Variants in TRAPPC11 observed in about 807,000 individuals in gnomAD.
TRAPPC11 encodes trafficking protein particle complex subunit 11, also known as foie gras homolog.
Under a neutral mutation model 151.2 loss-of-function variants are expected in TRAPPC11, and 104 were observed. That is an observed-to-expected ratio of 0.69 (90% CI 0.59 to 0.81). The LOEUF is 0.81. Ranked by LOEUF, TRAPPC11 falls within the 30% of genes least tolerant of loss-of-function variation. The probability of loss-of-function intolerance (pLI) is 0.00; values close to 1 mark genes in which losing one functional copy is unlikely to be tolerated. For missense variants in TRAPPC11, 1,230 were observed against 1,349.6 expected, an observed-to-expected ratio of 0.91 and a Z score of 1.39; for synonymous variants, 456 against 472.3, an observed-to-expected ratio of 0.97 and a Z score of 0.45.
chr4:183,699,934 C>T (rs1286096627), intron 25 of TRAPPC11, among the ~76,000 whole-genome samples: 1 of 151,966 alleles, frequency 6.6e-6, no homozygotes, highest in Non-Finnish European at 1.5e-5. Flanking sequence ...ATGCCATTCT[C>T]CTGCCTCAGC....
At chr4:183,699,486 G>A (rs13111319) in intron 25 of TRAPPC11, among the ~76,000 whole-genome samples, 40,913 of 151,978 alleles carry the variant, frequency 0.27, 5,909 homozygotes, top group South Asian at 0.48. Flanking sequence ...TCTTCATATC[G>A]CTAGCATCAT....
chr4:183,687,127 G>T (rs1383363567), intron 18 of TRAPPC11, among the ~76,000 whole-genome samples: 1 of 152,150 alleles, frequency 6.6e-6, no homozygotes, highest in African/African-American at 2.4e-5. Flanking sequence ...GTTGCAGTGA[G>T]CTGAGATCGT....
At chr4:183,689,269 T>TA (rs1267783263) in intron 18 of TRAPPC11, among the ~76,000 whole-genome samples, 1 of 152,100 alleles carries the variant, frequency 6.6e-6, no homozygotes, top group Non-Finnish European at 1.5e-5. Context: ...CAAGTGCATA[T>TA]AGCGGCTGAA....
intron 19 of TRAPPC11, 73 bp downstream of exon 19, chr4:183,691,544 A>G: frequency 1.1e-6 from 1 of 952,200 alleles, no homozygotes; most frequent in Non-Finnish European, 1.4e-6. Flanking sequence ...TAAATAATAC[A>G]AAAGTTGATT....
At chr4:183,659,795 A>G (rs1734372927) in intron 1 of TRAPPC11, among the ~76,000 whole-genome samples, 1 of 152,152 alleles carries the variant, frequency 6.6e-6, no homozygotes, top group Non-Finnish European at 1.5e-5. Context: ...TTTCGTCCCC[A>G]CACTGTCGTT....
chr4:183,684,627 T>G (rs1254041716), intron 14 of TRAPPC11, 69 bp from the exon 15 acceptor site: 1 of 1,512,440 alleles, frequency 6.6e-7, no homozygotes, highest in Non-Finnish European at 9.0e-7. Flanking sequence ...GAAAGTATTT[T>G]TTTCTCCATG....
At chr4:183,672,955 C>T (rs1011130791) in intron 5 of TRAPPC11, among the ~76,000 whole-genome samples, 4 of 148,080 alleles carry the variant, frequency 2.7e-5, no homozygotes, top group South Asian at 4.2e-4. Context: ...GCTACCCGTT[C>T]GCAAATTTTT....
intron 2 of TRAPPC11, among the ~76,000 whole-genome samples, chr4:183,665,008 A>G (rs1327444399): frequency 1.3e-5 from 2 of 151,704 alleles, no homozygotes; most frequent in African/African-American, 4.8e-5. Flanking sequence ...TCATATACTC[A>G]GCCCTGGAAA....
intron 25 of TRAPPC11, among the ~76,000 whole-genome samples, chr4:183,700,397 G>GA (rs1208250300): frequency 6.6e-6 from 1 of 152,128 alleles, no homozygotes; most frequent in African/African-American, 2.4e-5. Context: ...ATCTTCATTA[G>GA]AAAACCATAA....
chr4:183,700,113 A>G (rs1396025847), intron 25 of TRAPPC11, among the ~76,000 whole-genome samples: 2 of 152,276 alleles, frequency 1.3e-5, no homozygotes, highest in Non-Finnish European at 1.5e-5. Context: ...CGCCCAGCCA[A>G]TGTTAATTAT....
At chr4:183,671,290 G>T (rs1247697539) in intron 5 of TRAPPC11, among the ~76,000 whole-genome samples, 1 of 152,148 alleles carries the variant, frequency 6.6e-6, no homozygotes, top group Admixed American at 6.5e-5. Context: ...TTAGATTTTT[G>T]TCTCTGATCT....
chr4:183,661,922 C>T (rs1734571092), intron 1 of TRAPPC11, among the ~76,000 whole-genome samples: 1 of 151,762 alleles, frequency 6.6e-6, no homozygotes, highest in African/African-American at 2.4e-5. Flanking sequence ...CCACCATGCC[C>T]GGCTATTTTC....
intron 23 of TRAPPC11, among the ~76,000 whole-genome samples, chr4:183,696,740 T>G (rs1029172598): frequency 3.3e-5 from 5 of 152,174 alleles, no homozygotes; most frequent in African/African-American, 1.2e-4. Context: ...AGATGTAGCA[T>G]GTTGGTTAAG....
At chr4:183,698,228 T>G (rs926636087) in intron 25 of TRAPPC11, among the ~76,000 whole-genome samples, 1 of 152,142 alleles carries the variant, frequency 6.6e-6, no homozygotes, top group African/African-American at 2.4e-5. Context: ...TATAGAAAAA[T>G]AGAAGTTACA....
chr4:183,690,793 C>A (rs1475008376), intron 18 of TRAPPC11, among the ~76,000 whole-genome samples: 1 of 152,102 alleles, frequency 6.6e-6, no homozygotes, highest in Non-Finnish European at 1.5e-5. Context: ...CGTAGTGAGA[C>A]CCCATCTCTA....
chr4:183,693,279 C>G, intron 20 of TRAPPC11, 132 bp downstream of exon 20: 1 of 892,732 alleles, frequency 1.1e-6, no homozygotes, highest in Non-Finnish European at 1.6e-6. Context: ...GTAGCCTTGA[C>G]CACCTGAGCT....
Position 183,666,404 on chromosome 4 carries a change from G to T in TRAPPC11, c.352G>T (p.Ala118Ser), listed in dbSNP as rs577423330. The T allele has an allele frequency of 6.2e-7, 1 of 1,613,790 alleles. No individual in the cohort carries two copies. The highest frequency in any genetic ancestry group is 1.1e-5 in the South Asian group (1 of 91,038). ...PQWKEKQSEC[A>S]TRVEIVRQSL... is the part of the protein sequence containing the mutation. ...GTGGAAAGAAAAGCAGTCTGAGTGC[G>T]CCACCAGAGTGGAAATAGTCAGGTA... The change falls in exon 3 of 30, where the codon GCC becomes TCC. Residue 118 changes from alanine to serine, a missense_variant. Ala to Ser is a moderately conservative substitution (Grantham distance 99). Transcript: ENST00000334690.
intron 1 of TRAPPC11, among the ~76,000 whole-genome samples, chr4:183,660,305 A>T (rs72691588): frequency 2.6e-5 from 4 of 152,360 alleles, no homozygotes; most frequent in Non-Finnish European, 4.4e-5. Context: ...GCCAGTAGCT[A>T]CATCAGGCAT....
chr4:183,693,991 G>A lies in TRAPPC11; in HGVS notation c.2461G>A (p.Ala821Thr), dbSNP rs114471872. 1,192 of 1,614,036 alleles carry A rather than the reference G, an allele frequency of 7.4e-4. 11 individuals are homozygous for A. The African/African-American group carries it at 0.015, about 20-fold the overall frequency. Residue 821 changes from alanine to threonine, a missense_variant, in exon 22 of 30, where the codon GCT becomes ACT. By Grantham distance (58) the Ala-to-Thr change is moderately conservative. Coordinates refer to ENST00000334690, the MANE Select transcript of TRAPPC11 (RefSeq NM_021942.6). ...AGAACTGTGTGATGAATCCTACCCG[G>A]CTTTACTCACTGACATTCCTGTTGG... is the stretch of plus-strand genomic sequence containing the variant. ...GTELCDESYP[A>T]LLTDIPVGDL...
Sources: allele counts gnomAD v4.1 joint callset (sites outside exome capture counted in the v4.1 genomes callset), GRCh38; gene constraint gnomAD v4.1.1; transcripts MANE v1.5; gene names NCBI Gene and HGNC (gene_info 2026-07-23, HGNC 2026-07-21).